PYGB: variants seen among roughly 807,000 people sequenced by gnomAD.
The protein encoded by PYGB is glycogen phosphorylase B.
Under a neutral mutation model 94.3 loss-of-function variants are expected in PYGB, and 82 were observed. The ratio of observed to expected loss-of-function variants is 0.87; its 90% confidence interval spans 0.73 to 1.04. PYGB has a LOEUF of 1.04. Among genes scored for constraint, PYGB ranks in the 50% least tolerant of loss-of-function variants. The probability of loss-of-function intolerance (pLI) is 0.00; values close to 1 mark genes in which losing one functional copy is unlikely to be tolerated. For missense variants in PYGB, 1,132 were observed against 1,158.2 expected, an observed-to-expected ratio of 0.98 and a Z score of 0.33; for synonymous variants, 488 against 479.1, an observed-to-expected ratio of 1.02 and a Z score of -0.24.
chr20:25,294,844 C>T, intron 18 of PYGB: 1 of 998,508 alleles, frequency 1.0e-6, no homozygotes, highest in African/African-American at 1.6e-5. Context: ...CAGGGCAGTT[C>T]TTCACCGTTG....
At chr20:25,258,442 A>G (rs1405204004) in intron 1 of PYGB, among the ~76,000 whole-genome samples, 1 of 152,252 alleles carries the variant, frequency 6.6e-6, no homozygotes, top group Non-Finnish European at 1.5e-5. Flanking sequence ...CACCAAAGCA[A>G]TTAGTAAATA....
intron 18 of PYGB, 115 bp from the exon 19 acceptor site, chr20:25,295,489 C>G: frequency 7.9e-7 from 1 of 1,272,416 alleles, no homozygotes; most frequent in Non-Finnish European, 1.1e-6. Context: ...GGCCCCTTCG[C>G]TCCAGACAGG....
chr20:25,278,977 T>G, intron 8 of PYGB, 80 bp from the exon 9 acceptor site: 1 of 1,402,262 alleles, frequency 7.1e-7, no homozygotes, highest in East Asian at 2.5e-5. Flanking sequence ...CTCCTTCACT[T>G]GGGGAGCTTC....
chr20:25,295,815 GTGCCTGCCTTT>G, intron 19 of PYGB, 145 bp downstream of exon 19: 1 of 910,348 alleles, frequency 1.1e-6, no homozygotes, highest in Admixed American at 2.1e-5. Flanking sequence ...TCAGTCGGCT[GTGCCTGCCTTT>G]AGGGAAGCTG....
rs199570469 is a variant in PYGB, at chr20:25,294,266, C to G, written c.2286C>G (p.Ile762Met). ...AGGAGCCAGACTGCTTCAAGGACAT[C>G]GTGAACATGCTGATGCACCATGACA... ...SPKEPDCFKD[I>M]VNMLMHHDRF... The change falls in exon 18 of 20, where the codon ATC becomes ATG. Residue 762 changes from isoleucine (I) to methionine (M), a missense_variant. Coordinates refer to ENST00000216962, the MANE Select transcript of PYGB (RefSeq NM_002862.4). 3 of 1,396,124 alleles carry G rather than the reference C, an allele frequency of 2.1e-6. No individual in the cohort carries two copies. The highest frequency in any genetic ancestry group is 1.9e-5 in the Admixed American group (1 of 52,360). The allele number at this position is 1,396,124 out of a possible 1,614,324, so 86.5% of individuals were successfully genotyped here.
chr20:25,269,032 T>G, intron 2 of PYGB, 97 bp from the exon 3 acceptor site: 2 of 1,088,548 alleles, frequency 1.8e-6, no homozygotes, highest in South Asian at 2.6e-5. Context: ...GACTCTAACT[T>G]TTAGCATAAG....
intron 6 of PYGB, among the ~76,000 whole-genome samples, chr20:25,276,996 G>A (rs1392272628): frequency 6.6e-6 from 1 of 151,470 alleles, no homozygotes. Flanking sequence ...GGGCACCCAG[G>A]GTCACCTTGT....
intron 14 of PYGB, among the ~76,000 whole-genome samples, chr20:25,286,885 TC>T (rs1313464411): frequency 1.3e-5 from 2 of 152,222 alleles, no homozygotes; most frequent in Non-Finnish European, 2.9e-5. Context: ...TTTCCTTCTT[TC>T]CTAGTTGTGG....
chr20:25,284,179 G>C lies in PYGB; in HGVS notation c.1696G>C (p.Val566Leu). The C allele has an allele frequency of 2.5e-6, 4 of 1,614,074 alleles. No homozygotes were observed. Among genetic ancestry groups the C allele is most frequent in the Non-Finnish European group, 3.4e-6 (4 of 1,179,966 alleles). The change falls in exon 14 of 20, where the codon GTG becomes CTG. Residue 566 changes from valine to leucine, a missense_variant. Physicochemically the swap from Val to Leu is conservative, Grantham distance 32 (BLOSUM62 1). Transcript: ENST00000216962. ...VKINPSSMFD[V>L]HVKRIHEYKR... ...GATCAACCCCTCCTCCATGTTCGATGTGCATGTGAAGAGGATCCACGAGTA... is the reference window on the plus strand; with the variant it reads ...GATCAACCCCTCCTCCATGTTCGATCTGCATGTGAAGAGGATCCACGAGTA...
In PYGB at chr20:25,280,430, T is replaced by C. The variant is rs201041543; in HGVS notation, c.1239+18T>C. On this transcript the variant is annotated intron_variant, in intron 10 of 19. Coordinates refer to ENST00000216962, the MANE Select transcript of PYGB (RefSeq NM_002862.4). ...ACCTGGACGTGAGTGTGGGCCCAGC[T>C]GGCCGTGTAGGGTGGCGGCTACACC... is the stretch of plus-strand genomic sequence containing the variant. The C allele has an allele frequency of 6.2e-7, 1 of 1,613,342 alleles. No homozygotes were observed. Among genetic ancestry groups the C allele is most frequent in the Non-Finnish European group, 8.5e-7 (1 of 1,179,696 alleles).
chr20:25,287,190 C>A (rs1225197087), intron 14 of PYGB, among the ~76,000 whole-genome samples: 1 of 152,232 alleles, frequency 6.6e-6, no homozygotes, highest in Non-Finnish European at 1.5e-5. Context: ...GCTTGACCCT[C>A]CATCCACTTC....
intron 1 of PYGB, 119 bp downstream of exon 1, chr20:25,248,540 C>A: frequency 8.3e-7 from 1 of 1,203,808 alleles, no homozygotes; most frequent in Non-Finnish European, 1.0e-6. Flanking sequence ...CCCTAGCCGG[C>A]CGGCGGCCAG....
In PYGB at chr20:25,276,679, C is replaced by G; in HGVS notation, c.694C>G (p.Pro232Ala). 1 of 1,613,914 alleles carries G rather than the reference C, an allele frequency of 6.2e-7. No homozygotes were observed. The highest frequency in any genetic ancestry group is 1.7e-4 in the Middle Eastern group (1 of 6,058). The part of the protein sequence containing the change: ...VLAMPYDTPV[P>A]GYKNNTVNTM... ...GGCCATGCCCTACGACACCCCAGTG[C>G]CCGGCTACAAGAACAACACCGTCAA... Residue 232 changes from proline to alanine, a missense_variant, in exon 6 of 20, where the codon CCC (proline) becomes GCC (alanine). By Grantham distance (27) the Pro-to-Ala change is conservative. Coordinates refer to ENST00000216962, the MANE Select transcript of PYGB (RefSeq NM_002862.4).
In PYGB at chr20:25,290,922, T is replaced by C. The variant is rs570093660; in HGVS notation, c.1969+300T>C. 2.0e-5 allele frequency among the ~76,000 whole-genome samples: 3 copies of C among 151,308 alleles called. No individual in the cohort carries two copies. In the East Asian group the frequency reaches 5.9e-4, roughly 30 times the overall value. ...GTATCCTCCCTCCCCTGCCCTCTCC[T>C]CCTGCCCCTCAGCCGTGCCTTCTGC... On this transcript the variant is annotated intron_variant, in intron 16 of 19. Transcript: ENST00000216962.
chr20:25,285,494 G>A (rs1270214718), intron 14 of PYGB: 7 of 151,764 alleles, frequency 4.6e-5, no homozygotes, highest in East Asian at 3.9e-4. Flanking sequence ...TTGTTGCATC[G>A]TCTTCTATTG....
intron 2 of PYGB, 60 bp downstream of exon 2, chr20:25,259,398 C>G (rs924665477): frequency 4.4e-6 from 6 of 1,353,408 alleles, no homozygotes; most frequent in Non-Finnish European, 6.3e-6. Context: ...AGGTCTGAAT[C>G]CATTTTCCCA....
At chr20:25,264,159 C>A (rs938666789) in intron 2 of PYGB, among the ~76,000 whole-genome samples, 38 of 152,328 alleles carry the variant, frequency 2.5e-4, no homozygotes, top group Admixed American at 1.0e-3. Context: ...ATCATATAAA[C>A]AGAATCAAAG....
At chr20:25,295,071 T>G in intron 18 of PYGB, 1 of 1,591,078 alleles carries the variant, frequency 6.3e-7, no homozygotes, top group Non-Finnish European at 8.6e-7. Context: ...GAACTCTGCA[T>G]TTCGTGAAGT....
intron 14 of PYGB, among the ~76,000 whole-genome samples, chr20:25,287,180 G>T (rs1216219304): frequency 1.3e-5 from 2 of 152,240 alleles, no homozygotes; most frequent in African/African-American, 4.8e-5. Context: ...GGCCGTCATG[G>T]CTTGACCCTC....
Sources: gnomAD v4.1 joint callset for allele counts (sites outside exome capture counted in the v4.1 genomes callset) on GRCh38, gnomAD v4.1.1 for gene constraint, MANE v1.5 for transcripts, NCBI Gene and HGNC (gene_info 2026-07-23, HGNC 2026-07-21) for gene names.